The following LMNB2 variants were observed in gnomAD, a reference collection of about 807,000 sequenced individuals.
The protein encoded by LMNB2 is lamin B2.
A neutral mutation model predicts 69.3 loss-of-function variants in LMNB2; 17 were observed. That is an observed-to-expected ratio of 0.25 (90% confidence interval 0.17 to 0.37). The LOEUF (loss-of-function observed/expected upper bound fraction) is 0.37, where lower values mean the gene tolerates loss of function less well. Ranked by LOEUF, LMNB2 falls within the 10% of genes least tolerant of loss-of-function variation. The probability of loss-of-function intolerance (pLI) is 1.00; values close to 1 mark genes in which losing one functional copy is unlikely to be tolerated. For missense variants in LMNB2, 789 were observed against 883.6 expected (o/e 0.89, Z 1.36); for synonymous variants, 397 against 389.3 (o/e 1.02, Z -0.23).
intron 2 of LMNB2, among the ~76,000 whole-genome samples, chr19:2,440,935 A>T (rs1037044822): frequency 6.6e-6 from 1 of 151,954 alleles, no homozygotes; most frequent in African/African-American, 2.4e-5. Flanking sequence ...CCGGGGAGGG[A>T]GGGCTGCCTT....
intron 1 of LMNB2, among the ~76,000 whole-genome samples, chr19:2,445,560 CAG>C (rs1291232055): frequency 7.0e-6 from 1 of 142,350 alleles, no homozygotes; most frequent in Non-Finnish European, 1.5e-5. Context: ...CCCTCGATCA[CAG>C]GGATCTGTAG....
At chr19:2,439,385 C>CCT (rs1398007593) in intron 2 of LMNB2, among the ~76,000 whole-genome samples, 1 of 150,744 alleles carries the variant, frequency 6.6e-6, no homozygotes, top group African/African-American at 2.4e-5. Flanking sequence ...TTGGGGTGGT[C>CCT]GAGTGAGGAC....
chr19:2,444,316 GC>G, intron 2 of LMNB2, 87 bp downstream of exon 2: 5 of 1,478,918 alleles, frequency 3.4e-6, no homozygotes, highest in Non-Finnish European at 4.7e-6. Flanking sequence ...ATCAGAGCAT[GC>G]CCCGCACGAG....
At chr19:2,445,343 C>G (rs553599968) in intron 1 of LMNB2, among the ~76,000 whole-genome samples, 2 of 152,060 alleles carry the variant, frequency 1.3e-5, no homozygotes, top group East Asian at 3.9e-4. Context: ...CTACCTCACA[C>G]GCAGGCACAT....
At position 2,443,152 on chromosome 19, in the gene LMNB2, A is replaced by G. The variant is rs1286843051; in HGVS notation, c.401+1252T>C. 6.6e-6 allele frequency among the ~76,000 whole-genome samples: 1 copy of G among 152,210 alleles called. No individual in the cohort carries two copies. Among genetic ancestry groups the G allele is most frequent in the Admixed American group, 6.5e-5 (1 of 15,288 alleles). On this transcript the variant is annotated intron_variant, in intron 2 of 11. Coordinates refer to ENST00000325327, the MANE Select transcript of LMNB2 (RefSeq NM_032737.4). The surrounding 1 kb of genome is among the most constrained non-coding windows in gnomAD (Gnocchi z 6.2). Reference sequence around the variant, plus strand: ...TGTGTGGGATGTGCTGAGAGTGGGCAGCCTGTCCTGGCTGGTGCCTGGCCC... The same window carrying G: ...TGTGTGGGATGTGCTGAGAGTGGGCGGCCTGTCCTGGCTGGTGCCTGGCCC...
intron 4 of LMNB2, among the ~76,000 whole-genome samples, chr19:2,436,545 C>CCACCTCCA (rs1908899496): frequency 6.8e-6 from 1 of 147,658 alleles, no homozygotes; most frequent in East Asian, 2.0e-4. Context: ...GGCCGCGCAC[C>CCACCTCCA]CGCCTGCACA....
chr19:2,437,139 C>T (rs1344868753), intron 4 of LMNB2: 1 of 153,666 alleles, frequency 6.5e-6, no homozygotes, highest in Non-Finnish European at 1.4e-5. Flanking sequence ...GCAGCTCTCC[C>T]TGGGCAGGGA....
chr19:2,456,651 C>T lies in LMNB2; in HGVS notation c.264+19G>A. ...CTGCCGGCTGCACCCCCGCCCGGCC[C>T]CTAAGCCCCGGCGCCCACCTCGCGC... On this transcript the variant is annotated intron_variant, in intron 1 of 11. Transcript: ENST00000325327. 2 of 1,492,240 alleles carry T rather than the reference C, an allele frequency of 1.3e-6. No individual in the cohort carries two copies. The highest frequency in any genetic ancestry group is 2.5e-5 in the South Asian group (2 of 79,356). 92.4% of individuals were successfully genotyped at this position (1,492,240 alleles called of 1,614,324 possible).
At chr19:2,445,575 A>G (rs2145464309) in intron 1 of LMNB2, among the ~76,000 whole-genome samples, 1 of 121,002 alleles carries the variant, frequency 8.3e-6, no homozygotes, top group South Asian at 2.8e-4. Context: ...ATCTGTAGTC[A>G]GAGTCCCCAA....
intron 2 of LMNB2, among the ~76,000 whole-genome samples, chr19:2,441,772 G>A (rs1971903139): frequency 6.6e-6 from 1 of 152,232 alleles, no homozygotes; most frequent in Admixed American, 6.5e-5. Context: ...AACCCTGGGG[G>A]CAGAGACCTG....
Position 2,430,816 on chromosome 19 carries a change from C to A in LMNB2, c.*95G>T. 1.1e-6 allele frequency: 1 copy of A among 915,934 alleles called. No individual in the cohort carries two copies. The highest frequency in any genetic ancestry group is 1.3e-5 in the South Asian group (1 of 76,766). 56.7% of individuals were successfully genotyped at this position (915,934 alleles called of 1,614,324 possible). ...TTCTGGCAGTTCGCTTAGAAATTCTCTAGAAATGTATCAAGAACTAAAGAA... is the reference window on the plus strand; with the variant it reads ...TTCTGGCAGTTCGCTTAGAAATTCTATAGAAATGTATCAAGAACTAAAGAA... On this transcript the variant is annotated 3_prime_UTR_variant, in exon 12 of 12. Transcript: ENST00000325327.
chr19:2,449,945 T>C (rs2392766), intron 1 of LMNB2, among the ~76,000 whole-genome samples: 91,405 of 151,038 alleles, frequency 0.61, 29,078 homozygotes, highest in African/African-American at 0.81. Context: ...CATGGTGGTG[T>C]ATGCCTGTAA....
chr19:2,434,450 G>T lies in LMNB2; in HGVS notation c.1047C>A (p.Phe349Leu). 6.2e-7 allele frequency: 1 copy of T among 1,613,426 alleles called. No homozygotes were observed. The highest frequency in any genetic ancestry group is 8.5e-7 in the Non-Finnish European group (1 of 1,179,974). ...GCTCCTTGGCGTCCAGCATCTTCCG[G>T]AACTTGTCCCGCTCCCCGGCCATGG... ...EEAMAGERDK[F>L]RKMLDAKEQE... The change falls in exon 7 of 12, where the codon TTC becomes TTA. Residue 349 changes from phenylalanine to leucine, a missense_variant. Physicochemically the swap from Phe to Leu is conservative, Grantham distance 22. This residue lies in a region of LMNB2 where 609 missense variants were observed against 630.9 expected (regional missense o/e 0.97). Transcript: ENST00000325327.
Position 2,456,838 on chromosome 19 carries a change from G to A in LMNB2, c.96C>T (p.Pro32=), listed in dbSNP as rs1321664351. The A allele has an allele frequency of 3.0e-6, 4 of 1,339,078 alleles. No individual in the cohort carries two copies. Among genetic ancestry groups the A allele is most frequent in the East Asian group, 3.4e-5 (1 of 29,072 alleles). 82.9% of individuals were successfully genotyped at this position (1,339,078 alleles called of 1,614,324 possible). A position where few individuals can be genotyped will look rare whatever the true frequency, so the allele number is the denominator to read the frequency against. Residue 32 remains proline (P), a synonymous_variant, in exon 1 of 12, where the codon CCC becomes CCT. Coordinates refer to ENST00000325327, the MANE Select transcript of LMNB2 (RefSeq NM_032737.4). ...GGCGCGTGGGCGACAGCGGCGTGGC[G>A]GGCCCGCCCGCGCGGCCGGGCAGCG... ...ATPLPGRAGG[P]ATPLSPTRLS...
At chr19:2,433,776 C>T (rs1233791450) in intron 8 of LMNB2, 50 bp downstream of exon 8, 1 of 1,607,154 alleles carries the variant, frequency 6.2e-7, no homozygotes, top group Admixed American at 1.7e-5. Flanking sequence ...CTGGTCACCC[C>T]CATCAGCTGG....
At chr19:2,430,975 G>T in intron 11 of LMNB2, 23 bp from the exon 12 acceptor site, 1 of 1,401,322 alleles carries the variant, frequency 7.1e-7, no homozygotes, top group Non-Finnish European at 1.0e-6. Flanking sequence ...AGGAAGGAAG[G>T]TCGGCCATGA....
chr19:2,456,244 G>A (rs1218316316), intron 1 of LMNB2, among the ~76,000 whole-genome samples: 1 of 150,714 alleles, frequency 6.6e-6, no homozygotes, highest in Non-Finnish European at 1.5e-5. Flanking sequence ...CCCGCAGTGG[G>A]CTGGGCCTAG....
rs566675422 is a variant in LMNB2, at chr19:2,430,790, G to T, written c.*121C>A. 3.7e-6 allele frequency: 3 copies of T among 802,572 alleles called. No individual in the cohort carries two copies. Among genetic ancestry groups the T allele is most frequent in the Admixed American group, 3.7e-5 (2 of 53,530 alleles). 49.7% of individuals were successfully genotyped at this position (802,572 alleles called of 1,614,324 possible). A position where few individuals can be genotyped will look rare whatever the true frequency, so the allele number is the denominator to read the frequency against. On this transcript the variant is annotated 3_prime_UTR_variant, in exon 12 of 12. Transcript: ENST00000325327. ...AGGGCTGGGGGAGACCCACCCACAC[G>T]TTCTGGCAGTTCGCTTAGAAATTCT...
chr19:2,430,599 C>G lies in LMNB2; in HGVS notation c.*312G>C, dbSNP rs988110417. ...TCTCCTGTCCCCTCGCTAGCCTCGC[C>G]GGCCCTCCTCCCTCCAAGCCCAAGC... is the stretch of plus-strand genomic sequence containing the variant. On this transcript the variant is annotated 3_prime_UTR_variant, in exon 12 of 12. Coordinates refer to ENST00000325327, the MANE Select transcript of LMNB2 (RefSeq NM_032737.4). 2.1e-6 allele frequency: 1 copy of G among 467,766 alleles called. No individual in the cohort carries two copies. The highest frequency in any genetic ancestry group is 3.4e-5 in the Admixed American group (1 of 29,826). 29.0% of individuals were successfully genotyped at this position (467,766 alleles called of 1,614,324 possible). A position where few individuals can be genotyped will look rare whatever the true frequency, so the allele number is the denominator to read the frequency against.
Sources: allele counts gnomAD v4.1 joint callset (sites outside exome capture counted in the v4.1 genomes callset), GRCh38; gene constraint gnomAD v4.1.1; regional missense constraint gnomAD v4.1.1; non-coding constraint Gnocchi (gnomAD v3.1); transcripts MANE v1.5; gene names NCBI Gene and HGNC (gene_info 2026-07-23, HGNC 2026-07-21).